The following C6orf62 variants were observed in gnomAD, a reference collection of about 807,000 sequenced individuals.
C6orf62 encodes the protein uncharacterized protein C6orf62.
Under a neutral mutation model 26.8 loss-of-function variants are expected in C6orf62, and 16 were observed. The ratio of observed to expected loss-of-function variants is 0.60; its 90% CI spans 0.40 to 0.91. The LOEUF is 0.91. Among genes scored for constraint, C6orf62 ranks in the 40% least tolerant of loss-of-function variants. C6orf62 has a pLI of 0.00. For missense variants in C6orf62, 192 were observed against 271.4 expected, an observed-to-expected ratio of 0.71 and a Z score of 2.06; for synonymous variants, 112 against 91.5, an observed-to-expected ratio of 1.22 and a Z score of -1.28.
intron 3 of C6orf62, chr6:24,710,432 T>G: frequency 2.7e-6 from 1 of 370,216 alleles, no homozygotes; most frequent in Non-Finnish European, 3.7e-6. Flanking sequence ...GCCCAGCTAA[T>G]TTTGTGTTTT....
At chr6:24,716,488 T>C (rs1779233196) in intron 1 of C6orf62, among the ~76,000 whole-genome samples, 164 bp from the exon 2 acceptor site, 1 of 152,176 alleles carries the variant, frequency 6.6e-6, no homozygotes, top group Non-Finnish European at 1.5e-5. Context: ...CTTCTGTTCT[T>C]CCCCTACCTC....
chr6:24,719,579 T>C, upstream of C6orf62: 1 of 1,345,256 alleles, frequency 7.4e-7, no homozygotes, highest in South Asian at 1.7e-5. Flanking sequence ...AAGGGGTATA[T>C]AATACGGTAT....
upstream of C6orf62, chr6:24,719,196 A>AC (rs1370219549): frequency 2.0e-6 from 2 of 987,152 alleles, no homozygotes; most frequent in East Asian, 1.1e-4. Context: ...CCAAAACCAA[A>AC]ACCAAACACC....
At chr6:24,716,435 C>A in intron 1 of C6orf62, 111 bp from the exon 2 acceptor site, 2 of 738,266 alleles carry the variant, frequency 2.7e-6, no homozygotes, top group Non-Finnish European at 4.5e-6. Flanking sequence ...TAACTGTCTG[C>A]AGTAACTTAT....
At chr6:24,717,950 C>A (rs569863041) in intron 1 of C6orf62, among the ~76,000 whole-genome samples, 1 of 152,292 alleles carries the variant, frequency 6.6e-6, no homozygotes, top group South Asian at 2.1e-4. Flanking sequence ...AATGAAACTT[C>A]CTCTAGGTCA....
At chr6:24,720,083 T>A, upstream of C6orf62, 1 of 1,344,448 alleles carries the variant, frequency 7.4e-7, no homozygotes, top group Non-Finnish European at 9.6e-7. Context: ...AGACCATGTT[T>A]CCAGAGTTTG....
intron 3 of C6orf62, chr6:24,710,095 GATC>G: frequency 4.1e-6 from 4 of 983,268 alleles, no homozygotes; most frequent in Non-Finnish European, 4.8e-6. Context: ...TTATTAGTAT[GATC>G]ATAAGCATAT....
rs1308823086 is a variant in C6orf62 at position 24,719,095 on chromosome 6, T to TC, written c.-428dup. 1.0e-6 allele frequency: 1 copy of TC among 961,706 alleles called. No homozygotes were observed. Among genetic ancestry groups the TC allele is most frequent in the Non-Finnish European group, 1.2e-6 (1 of 823,392 alleles). The allele number at this position is 961,706 out of a possible 1,614,324, so 59.6% of individuals were successfully genotyped here. A position where few individuals can be genotyped will look rare whatever the true frequency, so the allele number is the denominator to read the frequency against. ...CAATCCCTAAAATCCATCCGGATTT[T>TC]CCCCCCTTTTTAGAAAAGGGATTAA... On this transcript the variant is annotated 5_prime_UTR_variant, in exon 1 of 5. Coordinates refer to ENST00000378119, the MANE Select transcript of C6orf62 (RefSeq NM_030939.5).
At chr6:24,717,704 G>A (rs1779261163) in intron 1 of C6orf62, among the ~76,000 whole-genome samples, 1 of 152,210 alleles carries the variant, frequency 6.6e-6, no homozygotes, top group Admixed American at 6.5e-5. Flanking sequence ...ACCACACTAA[G>A]ATTGTATTTC....
In C6orf62 at chr6:24,708,899, A is replaced by C; in HGVS notation, c.442T>G (p.Phe148Val). ...PFRPVQAKFE[F>V]HHGDYEKQFL... ...TGTTTTTCATAGTCACCATGATGAA[A>C]CTCAAATTTGGCCTAATTACAAAAT... The change falls in exon 4 of 5, where the codon TTT becomes GTT. Residue 148 changes from phenylalanine (F) to valine (V), a missense_variant. By Grantham distance (50) the Phe-to-Val change is conservative. Transcript: ENST00000378119. 6.2e-7 allele frequency: 1 copy of C among 1,613,880 alleles called. No individual in the cohort carries two copies. Among genetic ancestry groups the C allele is most frequent in the East Asian group, 2.2e-5 (1 of 44,874 alleles).
intron 3 of C6orf62, chr6:24,709,234 T>G (rs1045458530): frequency 5.1e-6 from 5 of 985,192 alleles, no homozygotes; most frequent in African/African-American, 1.7e-5. Context: ...GACAGTACAC[T>G]CCACAACAGC....
intron 3 of C6orf62, chr6:24,709,204 A>C: frequency 9.2e-6 from 9 of 983,144 alleles, no homozygotes; most frequent in Non-Finnish European, 1.1e-5. Flanking sequence ...ACATTTCCTT[A>C]ATTGTAGAGA....
rs1779295822 is a variant in C6orf62, at chr6:24,718,964, T to C, written c.-296A>G. 1 of 1,176,850 alleles carries C rather than the reference T, an allele frequency of 8.5e-7. No homozygotes were observed. Among genetic ancestry groups the C allele is most frequent in the South Asian group, 2.0e-5 (1 of 51,142 alleles). 72.9% of individuals were successfully genotyped at this position (1,176,850 alleles called of 1,614,324 possible). On this transcript the variant is annotated 5_prime_UTR_variant, in exon 1 of 5. Coordinates refer to ENST00000378119, the MANE Select transcript of C6orf62 (RefSeq NM_030939.5). The stretch of plus-strand genomic sequence containing the variant: ...AGAAAGAGGAGAAAATAACTAACTT[T>C]CTGGAAAACACATTTGGCTTAACTG...
chr6:24,710,205 T>C, intron 3 of C6orf62: 1 of 985,190 alleles, frequency 1.0e-6, no homozygotes. Flanking sequence ...CAGCCAAATA[T>C]AAAACCCAAC....
At chr6:24,719,526 C>T, upstream of C6orf62, 1 of 1,165,456 alleles carries the variant, frequency 8.6e-7, no homozygotes, top group Non-Finnish European at 1.1e-6. Context: ...CCTCAGGCGG[C>T]TGCTAACGCT....
At position 24,716,157 on chromosome 6, in the gene C6orf62, A is replaced by G. The variant is rs1441037834; in HGVS notation, c.297T>C (p.Ser99=). ...TTAAGGCAGAACTTACCCTTCTCAT[A>G]GACTGATATCGAGGAGCATGGAGCT... The part of the protein sequence containing the change: ...VVQLHAPRYQ[S]MRRDVIGCTQ... The change falls in exon 2 of 5, where the codon TCT becomes TCC. Residue 99 remains serine, a synonymous_variant. Coordinates refer to ENST00000378119, the MANE Select transcript of C6orf62 (RefSeq NM_030939.5). 2 of 1,613,710 alleles carry G rather than the reference A, an allele frequency of 1.2e-6. No individual in the cohort carries two copies. Among genetic ancestry groups the G allele is most frequent in the East Asian group, 4.5e-5 (2 of 44,870 alleles).
At chr6:24,707,829 C>G (rs1166734211) in intron 4 of C6orf62, among the ~76,000 whole-genome samples, 1 of 151,290 alleles carries the variant, frequency 6.6e-6, no homozygotes, top group African/African-American at 2.4e-5. Flanking sequence ...TGGTGAAACC[C>G]TGTCTCTACT....
Position 24,718,658 on chromosome 6 carries a change from G to C in C6orf62, c.11C>G (p.Pro4Arg). The change falls in exon 1 of 5, where the codon CCA (proline) becomes CGA (arginine). Residue 4 changes from proline to arginine, a missense_variant. Coordinates refer to ENST00000378119, the MANE Select transcript of C6orf62 (RefSeq NM_030939.5). MGD[P>R]NSRKKQALNR... ...CAGAGCTTGTTTCTTCCGGGAGTTT[G>C]GGTCCCCCATTTTGAAATACAGGTG... The C allele has an allele frequency of 6.2e-7, 1 of 1,613,810 alleles. No individual in the cohort carries two copies. Among genetic ancestry groups the C allele is most frequent in the Non-Finnish European group, 8.5e-7 (1 of 1,179,972 alleles).
intron 3 of C6orf62, chr6:24,709,342 C>T (rs1283565254): frequency 1.0e-6 from 1 of 985,200 alleles, no homozygotes; most frequent in East Asian, 1.1e-4. Context: ...AGACTCCCAC[C>T]ATAGTACTTT....
Sources: allele counts gnomAD v4.1 joint callset (sites outside exome capture counted in the v4.1 genomes callset), GRCh38; gene constraint gnomAD v4.1.1; transcripts MANE v1.5; gene names NCBI Gene and HGNC (gene_info 2026-07-23, HGNC 2026-07-21).